OTUD7A: variants seen among roughly 807,000 people sequenced by gnomAD.
OTUD7A encodes OTU domain-containing protein 7A.
In OTUD7A, 12 loss-of-function variants were observed where a neutral mutation model predicts 65.7. The ratio of observed to expected loss-of-function variants is 0.18; its 90% CI spans 0.12 to 0.30. The LOEUF (loss-of-function observed/expected upper bound fraction) is 0.30. OTUD7A is among the 10% of genes least tolerant of loss of function. OTUD7A has a pLI of 1.00. For synonymous variants in OTUD7A, 641 were observed against 586.3 expected (o/e 1.09, Z -1.35); for missense variants, 1,148 against 1,304.8 (o/e 0.88, Z 1.85).
intron 1 of OTUD7A, among the ~76,000 whole-genome samples, chr15:31,861,046 A>G (rs1897728285): frequency 6.6e-6 from 1 of 151,556 alleles, no homozygotes; most frequent in South Asian, 2.1e-4. Flanking sequence ...AAAGACACCT[A>G]ATTTTTCCTA....
chr15:31,483,942 C>G lies in OTUD7A; in HGVS notation c.2154G>C (p.Pro718=), dbSNP rs1383384238. ...TGAGCACCAGCTGCGTGGGTGGGCC[C>G]GGAGAGGCGCGCTCCGGGACCGGCA... ...EGVPVPERAS[P]GPPTQLVLKL... Residue 718 remains proline (P), a synonymous_variant, in exon 13 of 13, where the codon CCG becomes CCC. Transcript: ENST00000307050. The G allele has an allele frequency of 4.5e-6, 5 of 1,111,492 alleles. No homozygotes were observed. The highest frequency in any genetic ancestry group is 3.8e-4 in the Middle Eastern group (1 of 2,624). The allele number at this position is 1,111,492 out of a possible 1,614,324, so 68.9% of individuals were successfully genotyped here.
chr15:31,617,939 C>A (rs1351422252), intron 3 of OTUD7A, among the ~76,000 whole-genome samples: 4 of 148,044 alleles, frequency 2.7e-5, no homozygotes, highest in Non-Finnish European at 6.0e-5. Flanking sequence ...TCCGCCCACC[C>A]CAAAACAGGC....
rs1449416858 is a variant in OTUD7A, at chr15:31,481,195, T to C, written c.*2099A>G. The C allele has an allele frequency of 4.6e-5, 7 of 152,260 alleles. No homozygotes were observed. The highest frequency in any genetic ancestry group is 4.4e-5 in the Non-Finnish European group (3 of 68,046). The allele number at this position is 152,260 out of a possible 1,614,324, so 9.4% of individuals were successfully genotyped here. On this transcript the variant is annotated 3_prime_UTR_variant, in exon 13 of 13. Coordinates refer to ENST00000307050, the MANE Select transcript of OTUD7A (RefSeq NM_001382637.1). ...AAGAAATGAAAAAAACAAGCAAGAA[T>C]TGACTTTATGCCTCCTTGACATCTT...
At chr15:31,801,584 G>A (rs1199839937) in intron 1 of OTUD7A, among the ~76,000 whole-genome samples, 1 of 152,112 alleles carries the variant, frequency 6.6e-6, no homozygotes, top group Non-Finnish European at 1.5e-5. Flanking sequence ...TTAAAGTATC[G>A]ATTAACAAAA....
intron 10 of OTUD7A, among the ~76,000 whole-genome samples, chr15:31,501,008 G>A (rs1166962650): frequency 1.3e-5 from 2 of 152,370 alleles, no homozygotes; most frequent in South Asian, 2.1e-4. Flanking sequence ...ACATTGACTG[G>A]TGCCCTGGAA....
rs201952963 is a variant in OTUD7A, at chr15:31,631,113, T to A, written c.151+23983A>T. Among the ~76,000 whole-genome samples the A allele has an allele frequency of 1.1e-4, 17 of 151,126 alleles. No individual in the cohort carries two copies. The East Asian group carries it at 3.1e-3, about 28-fold the overall frequency. On this transcript the variant is annotated intron_variant, in intron 3 of 12. Transcript: ENST00000307050. ...TTTAAAGTTAATATTGTTATGTGTG[T>A]ATTTGGTCCTGTCATTATGATGTTA...
chr15:31,860,677 G>GTATATATATATGTATATATATATATA (rs1897708239), intron 1 of OTUD7A, among the ~76,000 whole-genome samples: 1 of 73,284 alleles, frequency 1.4e-5, no homozygotes, highest in South Asian at 6.0e-4. Context: ...ATGTATGTGT[G>GTATATATATATGTATATATATATATA]TATATATATA....
At chr15:31,615,546 C>G (rs1222379041) in intron 3 of OTUD7A, among the ~76,000 whole-genome samples, 3 of 152,142 alleles carry the variant, frequency 2.0e-5, no homozygotes, top group Non-Finnish European at 4.4e-5. Flanking sequence ...ATAGAACAAG[C>G]AGACAAAAAT....
intron 1 of OTUD7A, among the ~76,000 whole-genome samples, chr15:31,784,873 G>A (rs1372126599): frequency 1.3e-5 from 2 of 152,178 alleles, no homozygotes; most frequent in South Asian, 2.1e-4. Flanking sequence ...TCTCCTGAGT[G>A]TTTTATTGAG....
At chr15:31,797,700 A>G (rs1896006246) in intron 1 of OTUD7A, among the ~76,000 whole-genome samples, 1 of 152,216 alleles carries the variant, frequency 6.6e-6, no homozygotes, top group Non-Finnish European at 1.5e-5. Flanking sequence ...GCCTGGACGC[A>G]TGCTTACAGA....
intron 3 of OTUD7A, among the ~76,000 whole-genome samples, chr15:31,599,426 A>T (rs752400487): frequency 2.6e-5 from 4 of 152,258 alleles, no homozygotes; most frequent in Admixed American, 6.5e-5. Flanking sequence ...CCTGACTGTC[A>T]GAAGGAAAAC....
intron 3 of OTUD7A, among the ~76,000 whole-genome samples, chr15:31,609,279 C>T (rs1208073890): frequency 6.6e-6 from 1 of 152,208 alleles, no homozygotes; most frequent in Non-Finnish European, 1.5e-5. Context: ...TGGGGAGGAA[C>T]TAAAGCCCTT....
intron 5 of OTUD7A, among the ~76,000 whole-genome samples, chr15:31,534,676 C>A (rs948663119): frequency 1.3e-5 from 2 of 152,162 alleles, no homozygotes; most frequent in African/African-American, 4.8e-5. Flanking sequence ...CTACAAAAAA[C>A]CATAACTAAT....
chr15:31,535,310 G>A (rs1300656590), intron 5 of OTUD7A, among the ~76,000 whole-genome samples: 1 of 152,048 alleles, frequency 6.6e-6, no homozygotes, highest in African/African-American at 2.4e-5. Flanking sequence ...TCCCTGTGCT[G>A]TCTCTCTCCT....
At chr15:31,586,330 T>C (rs1353723320) in intron 3 of OTUD7A, among the ~76,000 whole-genome samples, 1 of 152,236 alleles carries the variant, frequency 6.6e-6, no homozygotes, top group Non-Finnish European at 1.5e-5. Flanking sequence ...ACAGTGTGAA[T>C]AGCTCACATA....
rs1468763448 is a variant in OTUD7A at position 31,543,288 on chromosome 15, A to AG, written c.551-12481dup. On this transcript the variant is annotated intron_variant, in intron 5 of 12. Coordinates refer to ENST00000307050, the MANE Select transcript of OTUD7A (RefSeq NM_001382637.1). ...TAGGGGTAAACTCTTAATAATGGAA[A>AG]GAGAGGGTATAACTTCAAAACTTGT... Among the ~76,000 whole-genome samples, 9 of 151,996 alleles carry AG rather than the reference A, an allele frequency of 5.9e-5. No homozygotes were observed. In the South Asian group the frequency reaches 6.2e-4, roughly 10 times the overall value.
chr15:31,796,308 C>T (rs1489964660), intron 1 of OTUD7A, among the ~76,000 whole-genome samples: 1 of 152,040 alleles, frequency 6.6e-6, no homozygotes, highest in Non-Finnish European at 1.5e-5. Flanking sequence ...TTAGCACATC[C>T]AAAATCTGCA....
intron 1 of OTUD7A, among the ~76,000 whole-genome samples, chr15:31,826,428 CAG>C (rs1370460933): frequency 6.6e-6 from 1 of 152,214 alleles, no homozygotes; most frequent in African/African-American, 2.4e-5. Context: ...AGCTGGGACA[CAG>C]GGCACCAAGT....
At chr15:31,782,649 C>T (rs916340518) in intron 1 of OTUD7A, among the ~76,000 whole-genome samples, 7 of 152,188 alleles carry the variant, frequency 4.6e-5, no homozygotes, top group South Asian at 2.1e-4. Flanking sequence ...GGAGAGGAAG[C>T]AGCAGATCAG....
Sources: gnomAD v4.1 joint callset for allele counts (sites outside exome capture counted in the v4.1 genomes callset) on GRCh38, gnomAD v4.1.1 for gene constraint, MANE v1.5 for transcripts, NCBI Gene and HGNC (gene_info 2026-07-23, HGNC 2026-07-21) for gene names.